The following TMEM63C variants were observed in gnomAD, a reference collection of about 807,000 sequenced individuals.
TMEM63C encodes the protein osmosensitive cation channel TMEM63C.
A neutral mutation model predicts 99.2 loss-of-function variants in TMEM63C; 32 were observed. That is an observed-to-expected ratio of 0.32 (90% CI 0.24 to 0.43). TMEM63C has a LOEUF of 0.43. Ranked by LOEUF, TMEM63C falls within the 20% of genes least tolerant of loss-of-function variation. The pLI is 1.00. For synonymous variants in TMEM63C, 376 were observed against 397.9 expected (o/e 0.94, Z 0.66); for missense variants, 826 against 1,053.0 (o/e 0.78, Z 2.98).
intron 1 of TMEM63C, among the ~76,000 whole-genome samples, chr14:77,194,592 G>T (rs1888184171): frequency 4.4e-5 from 3 of 68,506 alleles, no homozygotes; most frequent in Non-Finnish European, 6.1e-5. Flanking sequence ...CCTTTTTTTG[G>T]AGACAGGGTC....
rs1337899217 is a variant in TMEM63C at position 77,220,975 on chromosome 14, T to C, written c.312+888T>C. On this transcript the variant is annotated intron_variant, in intron 5 of 23. Coordinates refer to ENST00000298351, the MANE Select transcript of TMEM63C (RefSeq NM_020431.4). ...TCTCGCCTCCCCTCCCACTCTCGCC[T>C]CCCCTCCCACCCACGCCCCCTCCCA... is the stretch of plus-strand genomic sequence containing the variant. Among the ~76,000 whole-genome samples, 2 of 1,556 alleles carry C rather than the reference T, an allele frequency of 1.3e-3. 1 individual carries two copies. The highest frequency in any genetic ancestry group is 0.083 in the South Asian group (2 of 24). 1.0% of individuals were successfully genotyped at this position (1,556 alleles called of 152,430 possible).
chr14:77,251,955 G>C, intron 22 of TMEM63C, 57 bp downstream of exon 22: 2 of 1,365,018 alleles, frequency 1.5e-6, no homozygotes, highest in South Asian at 1.2e-5. Context: ...GGACACAGCT[G>C]TAGGATACTC....
chr14:77,224,938 G>A (rs436562), intron 5 of TMEM63C, among the ~76,000 whole-genome samples: 75,833 of 151,872 alleles, frequency 0.5, 19,448 homozygotes, highest in East Asian at 0.76. Context: ...GAGCTGCTGA[G>A]ATGACAAGTG....
intron 23 of TMEM63C, 24 bp downstream of exon 23, chr14:77,253,400 G>C (rs781645429): frequency 6.3e-7 from 1 of 1,591,032 alleles, no homozygotes; most frequent in South Asian, 1.1e-5. Context: ...CCCAGGGACA[G>C]GTTGGGAGGG....
chr14:77,256,462 G>T, intron 23 of TMEM63C, 64 bp from the exon 24 acceptor site: 1 of 1,519,302 alleles, frequency 6.6e-7, no homozygotes, highest in Non-Finnish European at 9.1e-7. Context: ...GAGGGGAGAG[G>T]GTGTGCCCAG....
chr14:77,256,083 A>G (rs1245134119), intron 23 of TMEM63C, among the ~76,000 whole-genome samples: 2 of 152,246 alleles, frequency 1.3e-5, no homozygotes. Flanking sequence ...CTCCGCTAGC[A>G]GTTCCACATC....
Position 77,256,438 on chromosome 14 carries a change from T to A in TMEM63C, c.2221-88T>A. 4 of 1,338,020 alleles carry A rather than the reference T, an allele frequency of 3.0e-6. No homozygotes were observed. The South Asian group carries it at 5.0e-5, about 17-fold the overall frequency. 82.9% of individuals were successfully genotyped at this position (1,338,020 alleles called of 1,614,324 possible). On this transcript the variant is annotated intron_variant, in intron 23 of 23. Transcript: ENST00000298351. ...CAAGGTCTGGAGGAGACAGAGGCGA[T>A]GGGGGTGGGGCATGAGGGGAGAGGG...
chr14:77,233,308 G>A lies in TMEM63C; in HGVS notation c.494-144G>A, dbSNP rs1293577497. The A allele has an allele frequency of 1.1e-5, 9 of 784,014 alleles. No homozygotes were observed. The East Asian group carries it at 2.4e-4, about 21-fold the overall frequency. 48.6% of individuals were successfully genotyped at this position (784,014 alleles called of 1,614,324 possible). On this transcript the variant is annotated intron_variant, in intron 7 of 23. Transcript: ENST00000298351. The stretch of plus-strand genomic sequence containing the variant: ...CTCTGATGTCTTTGTTAAAAGTTGG[G>A]GAGAAGCTCTGGGGAACCAGAAGGA...
chr14:77,247,182 A>G (rs1207470891), intron 18 of TMEM63C, among the ~76,000 whole-genome samples: 4 of 151,902 alleles, frequency 2.6e-5, no homozygotes, highest in East Asian at 3.8e-4. Context: ...AATTTTTGAC[A>G]TAGTCTTTAT....
intron 1 of TMEM63C, among the ~76,000 whole-genome samples, chr14:77,193,677 A>C (rs1411984083): frequency 6.6e-6 from 1 of 152,176 alleles, no homozygotes; most frequent in Non-Finnish European, 1.5e-5. Context: ...TCTGTTAAAA[A>C]TACAAAATTA....
Position 77,231,569 on chromosome 14 carries a change from G to T in TMEM63C, c.351-19G>T. 6.4e-7 allele frequency: 1 copy of T among 1,551,450 alleles called. No homozygotes were observed. Among genetic ancestry groups the T allele is most frequent in the Non-Finnish European group, 8.7e-7 (1 of 1,146,926 alleles). ...ACGCTGGCTCCTGAGGCACGTCCTT[G>T]TCTGTGTGTCTCTTCCAGGGACGAG... On this transcript the variant is annotated intron_variant, in intron 6 of 23. Coordinates refer to ENST00000298351, the MANE Select transcript of TMEM63C (RefSeq NM_020431.4).
chr14:77,186,582 T>A (rs1887997920), intron 1 of TMEM63C, among the ~76,000 whole-genome samples: 1 of 152,110 alleles, frequency 6.6e-6, no homozygotes, highest in Admixed American at 6.6e-5. Flanking sequence ...TCCCAGCTAC[T>A]CAGGAGGCTG....
At chr14:77,253,482 G>A (rs1327373886) in intron 23 of TMEM63C, 106 bp downstream of exon 23, 1 of 1,180,918 alleles carries the variant, frequency 8.5e-7, no homozygotes, top group Non-Finnish European at 1.2e-6. Context: ...CTCTGGGTAT[G>A]GGGAAGGAGA....
chr14:77,200,975 T>C (rs1485347451), intron 1 of TMEM63C: 1 of 129,650 alleles, frequency 7.7e-6, no homozygotes, highest in African/African-American at 3.0e-5. Flanking sequence ...CTAGTGCTGT[T>C]TGTCTTTTTT....
intron 1 of TMEM63C, among the ~76,000 whole-genome samples, chr14:77,185,510 T>C (rs1197766749): frequency 6.6e-6 from 1 of 152,154 alleles, no homozygotes; most frequent in African/African-American, 2.4e-5. Flanking sequence ...CAAGTGACCC[T>C]AAGGTCTTTG....
Position 77,248,770 on chromosome 14 carries a change from C to T in TMEM63C, c.1768C>T (p.Gln590Ter). 1 of 1,613,984 alleles carries T rather than the reference C, an allele frequency of 6.2e-7. No homozygotes were observed. Among genetic ancestry groups the T allele is most frequent in the Non-Finnish European group, 8.5e-7 (1 of 1,179,852 alleles). The stretch of plus-strand genomic sequence containing the variant: ...TGACACCTGCCTTCTGCCCCAGAAC[C>T]AGGCCATAGACTTCCAGTTTGGGCG... ...EPERVNIRKN[Q>*]AIDFQFGREY... is the part of the protein sequence containing the mutation. Residue 590 changes from glutamine to a stop codon, truncating the protein, a stop_gained, in exon 20 of 24, where the codon CAG becomes TAG. Coordinates refer to ENST00000298351, the MANE Select transcript of TMEM63C (RefSeq NM_020431.4). LOFTEE classifies it high-confidence loss of function.
In TMEM63C at chr14:77,243,036, C is replaced by T. The variant is rs746843133; in HGVS notation, c.1321C>T (p.Arg441Cys). Residue 441 changes from arginine to cysteine, a missense_variant, in exon 15 of 24, where the codon CGC (arginine) becomes TGC (cysteine). By Grantham distance (180) the Arg-to-Cys change is radical (BLOSUM62 -3). Transcript: ENST00000298351. Reference protein sequence around the residue: ...MNTIDMYNVTRPIEKLQNPIV... With the variant: ...MNTIDMYNVTCPIEKLQNPIV... ...CACTATCGACATGTACAACGTCACC[C>T]GCCCCATCGAGAAGCTGCAGGTGCC... 8.7e-6 allele frequency: 14 copies of T among 1,613,702 alleles called. No homozygotes were observed. The highest frequency in any genetic ancestry group is 3.3e-5 in the South Asian group (3 of 91,070).
intron 6 of TMEM63C, among the ~76,000 whole-genome samples, chr14:77,227,925 A>G (rs1888859518): frequency 6.6e-6 from 1 of 152,190 alleles, no homozygotes; most frequent in Admixed American, 6.5e-5. Flanking sequence ...AGGTCAGGGA[A>G]CAGATCAGAG....
In TMEM63C at chr14:77,226,915, G is replaced by GT. The variant is rs1487833126; in HGVS notation, c.350+1455dup. Among the ~76,000 whole-genome samples, 3 of 151,996 alleles carry GT rather than the reference G, an allele frequency of 2.0e-5. No homozygotes were observed. The East Asian group carries it at 5.8e-4, about 29-fold the overall frequency. On this transcript the variant is annotated intron_variant, in intron 6 of 23. Coordinates refer to ENST00000298351, the MANE Select transcript of TMEM63C (RefSeq NM_020431.4). ...CCCGAGTAGCTGGGATTAGAGGCAC[G>GT]TGCCACCATGTCCAGCTAATTTTTG...
Sources: gnomAD v4.1 joint callset for allele counts (sites outside exome capture counted in the v4.1 genomes callset) on GRCh38, gnomAD v4.1.1 for gene constraint, MANE v1.5 for transcripts, NCBI Gene and HGNC (gene_info 2026-07-23, HGNC 2026-07-21) for gene names.